CPSF7: variants seen among roughly 807,000 people sequenced by gnomAD.
The protein encoded by CPSF7 is cleavage and polyadenylation specificity factor subunit 7.
Under a neutral mutation model 44.3 loss-of-function variants are expected in CPSF7, and 1 was observed. The observed-to-expected ratio is 0.02, with a 90% confidence interval of 0.01 to 0.11. The LOEUF is 0.11. Among genes scored for constraint, CPSF7 ranks in the 10% least tolerant of loss-of-function variants. The pLI, the probability that CPSF7 is intolerant of heterozygous loss-of-function variation, is 1.00. For synonymous variants in CPSF7, 202 were observed against 222.0 expected, an observed-to-expected ratio of 0.91 and a Z score of 0.80; for missense variants, 443 against 607.2, an observed-to-expected ratio of 0.73 and a Z score of 2.84.
chr11:61,416,973 TTC>T (rs536448047), intron 5 of CPSF7, among the ~76,000 whole-genome samples: 10 of 152,108 alleles, frequency 6.6e-5, no homozygotes, highest in Non-Finnish European at 1.0e-4. Flanking sequence ...ACTTAAAATG[TTC>T]TCTTTGCCAC....
Position 61,416,181 on chromosome 11 carries a change from G to A in CPSF7, c.862C>T (p.Pro288Ser), listed in dbSNP as rs779801815. 2.2e-5 allele frequency: 34 copies of A among 1,519,196 alleles called. No individual in the cohort carries two copies. The highest frequency in any genetic ancestry group is 2.8e-5 in the Non-Finnish European group (32 of 1,136,152). 94.1% of individuals were successfully genotyped at this position (1,519,196 alleles called of 1,614,324 possible). Residue 288 changes from proline (P) to serine (S), a missense_variant, in exon 6 of 10, where the codon CCC (proline) becomes TCC (serine). By Grantham distance (74) the Pro-to-Ser change is moderately conservative. Coordinates refer to ENST00000439958, the MANE Select transcript of CPSF7 (RefSeq NM_001142565.3). ...PALHLNPAFF[P>S]PPNATVGPPP... ...GGCCCCACTGTAGCGTTTGGTGGGG[G>A]GAAGAAGGCTGGATTGAGGTGAAGG...
intron 2 of CPSF7, among the ~76,000 whole-genome samples, chr11:61,424,933 A>C (rs1383124738): frequency 1.1e-4 from 16 of 152,228 alleles, no homozygotes; most frequent in Admixed American, 1.0e-3. Context: ...TAGTGGACTA[A>C]CATGCAGATT....
chr11:61,408,509 C>G (rs537296115), intron 9 of CPSF7, among the ~76,000 whole-genome samples: 2 of 152,320 alleles, frequency 1.3e-5, no homozygotes, highest in South Asian at 4.1e-4. Flanking sequence ...CTGAAGTTAC[C>G]TGGGTCACGC....
chr11:61,420,145 A>ATTTCTTTTTTCTTCTCTT, intron 4 of CPSF7, 51 bp from the exon 5 acceptor site: 1 of 1,448,438 alleles, frequency 6.9e-7, no homozygotes, highest in Non-Finnish European at 9.4e-7. Context: ...AGCCAAGAGA[A>ATTTCTTTTTTCTTCTCTT]GAAAAAAGAA....
chr11:61,423,674 T>C (rs1861104447), intron 2 of CPSF7, among the ~76,000 whole-genome samples: 5 of 152,224 alleles, frequency 3.3e-5, no homozygotes, highest in Admixed American at 2.6e-4. Context: ...GAAACTTGTC[T>C]AGTACCCTGA....
At chr11:61,420,911 C>T (rs1860803937) in intron 3 of CPSF7, 4 of 505,586 alleles carry the variant, frequency 7.9e-6, no homozygotes, top group East Asian at 5.2e-5. Context: ...CCAGAACTTC[C>T]CCCACAGTAA....
intron 6 of CPSF7, 111 bp downstream of exon 6, chr11:61,415,994 A>C (rs761284857): frequency 4.6e-6 from 5 of 1,080,308 alleles, no homozygotes; most frequent in Non-Finnish European, 4.0e-6. Context: ...TGATAACAGA[A>C]TGTCTATAAG....
At chr11:61,414,889 T>C (rs759714206) in intron 7 of CPSF7, among the ~76,000 whole-genome samples, 5 of 152,214 alleles carry the variant, frequency 3.3e-5, no homozygotes, top group African/African-American at 4.8e-5. Flanking sequence ...CTTTTTAGGA[T>C]AGGCTACCTA....
At position 61,421,525 on chromosome 11, in the gene CPSF7, G is replaced by A. The variant is rs764555763; in HGVS notation, c.138C>T (p.Ser46=). The A allele has an allele frequency of 6.2e-7, 1 of 1,614,114 alleles. No homozygotes were observed. Among genetic ancestry groups the A allele is most frequent in the African/African-American group, 1.3e-5 (1 of 75,040 alleles). Residue 46 remains serine, a synonymous_variant, in exon 3 of 10, where the codon AGC becomes AGT. Coordinates refer to ENST00000439958, the MANE Select transcript of CPSF7 (RefSeq NM_001142565.3). The part of the protein sequence containing the change: ...TATSQPSDDR[S]SSTEPPPPVR... ...CAGGAGGAGGTGGTTCAGTGCTGCT[G>A]CTTCTGTCATCTGAGGGCTGTGAGG...
At chr11:61,407,769 A>G (rs1312704852) in intron 9 of CPSF7, among the ~76,000 whole-genome samples, 1 of 152,208 alleles carries the variant, frequency 6.6e-6, no homozygotes, top group African/African-American at 2.4e-5. Flanking sequence ...CTATAAATCT[A>G]TTTAAGCTAA....
chr11:61,418,910 G>C (rs1860593036), intron 5 of CPSF7, among the ~76,000 whole-genome samples: 1 of 152,044 alleles, frequency 6.6e-6, no homozygotes, highest in African/African-American at 2.4e-5. Context: ...GTAAAGACAG[G>C]GTTTTGCCAT....
chr11:61,429,569 G>A (rs1861749224), intron 1 of CPSF7: 2 of 628,740 alleles, frequency 3.2e-6, no homozygotes, highest in African/African-American at 3.9e-5. Context: ...GGGTCCTAGT[G>A]GCCCTAGGAC....
chr11:61,425,567 T>A (rs1462368975), intron 2 of CPSF7, among the ~76,000 whole-genome samples: 1 of 152,226 alleles, frequency 6.6e-6, no homozygotes, highest in African/African-American at 2.4e-5. Flanking sequence ...AAATAAGATC[T>A]TCTCCACTTG....
chr11:61,422,289 T>C (rs986737062), intron 2 of CPSF7, among the ~76,000 whole-genome samples: 4 of 151,718 alleles, frequency 2.6e-5, no homozygotes, highest in African/African-American at 9.7e-5. Context: ...ACAGGCCCAA[T>C]GCATTACCAT....
intron 8 of CPSF7, 138 bp from the exon 9 acceptor site, chr11:61,411,243 G>T: frequency 1.2e-6 from 1 of 804,818 alleles, no homozygotes; most frequent in South Asian, 2.2e-5. Flanking sequence ...GAGGATTTTA[G>T]CTCTTTGAGG....
Position 61,423,105 on chromosome 11 carries a change from CAAAAAAAA to C in CPSF7, c.55-1505_55-1498del, listed in dbSNP as rs71471824. Among the ~76,000 whole-genome samples the C allele has an allele frequency of 1.3e-3, 70 of 52,348 alleles. No homozygotes were observed. The South Asian group carries it at 0.057, about 42-fold the overall frequency. The allele number at this position is 52,348 out of a possible 152,430, so 34.3% of individuals were successfully genotyped here. On this transcript the variant is annotated intron_variant, in intron 2 of 9. Transcript: ENST00000439958. The stretch of plus-strand genomic sequence containing the variant: ...TGGGCAACAGAGTGAGACCCCATAT[CAAAAAAAA>C]AAAAAAAAAAAAAAAAAGGGTTCAG...
In CPSF7 at chr11:61,429,270, G is replaced by C; in HGVS notation, c.-35C>G. ...AGGAAGATCGCGAGTCCGGAGGATG[G>C]ACAAAGTAAGGAAGATGCCACTGCG... is the stretch of plus-strand genomic sequence containing the variant. On this transcript the variant is annotated 5_prime_UTR_variant, in exon 2 of 10. Transcript: ENST00000439958. The C allele has an allele frequency of 1.2e-6, 2 of 1,612,122 alleles. No homozygotes were observed. The highest frequency in any genetic ancestry group is 1.7e-6 in the Non-Finnish European group (2 of 1,178,270).
intron 4 of CPSF7, among the ~76,000 whole-genome samples, 170 bp downstream of exon 4, chr11:61,420,300 G>A (rs954981380): frequency 3.3e-5 from 5 of 152,118 alleles, no homozygotes; most frequent in Non-Finnish European, 7.4e-5. Context: ...CTTAACAGAT[G>A]GATATTCTAC....
chr11:61,417,942 C>CA (rs918033778), intron 5 of CPSF7, among the ~76,000 whole-genome samples: 5 of 151,618 alleles, frequency 3.3e-5, no homozygotes, highest in African/African-American at 9.7e-5. Flanking sequence ...ATCTTTTCAG[C>CA]AAAAAAAAGT....
Sources: allele counts gnomAD v4.1 joint callset (sites outside exome capture counted in the v4.1 genomes callset), GRCh38; gene constraint gnomAD v4.1.1; transcripts MANE v1.5; gene names NCBI Gene and HGNC (gene_info 2026-07-23, HGNC 2026-07-21).